Variants in ZNF853 observed in about 807,000 individuals in gnomAD.
ZNF853 encodes the protein zinc finger protein 853.
In ZNF853, 57 loss-of-function variants were observed where a neutral mutation model predicts 94.7. The observed-to-expected ratio is 0.60, with a 90% CI of 0.49 to 0.75. ZNF853 has a LOEUF of 0.75. Among genes scored for constraint, ZNF853 ranks in the 30% least tolerant of loss-of-function variants. The probability of loss-of-function intolerance (pLI) is 0.00; values close to 1 mark genes in which losing one functional copy is unlikely to be tolerated. For synonymous variants in ZNF853, 448 were observed against 406.3 expected, an observed-to-expected ratio of 1.10 and a Z score of -1.23; for missense variants, 785 against 868.9, an observed-to-expected ratio of 0.90 and a Z score of 1.21.
chr7:6,618,445 A>C, intron 2 of ZNF853, among the ~76,000 whole-genome samples: 1 of 152,116 alleles, frequency 6.6e-6, no homozygotes, highest in African/African-American at 2.4e-5. Context: ...ACAATGGCTC[A>C]CACCTGTAAT....
chr7:6,623,922 G>C lies in ZNF853; in HGVS notation c.*951G>C, dbSNP rs1364062320. On this transcript the variant is annotated 3_prime_UTR_variant, in exon 3 of 3. Coordinates refer to ENST00000457543, the MANE Select transcript of ZNF853 (RefSeq NM_017560.3). ...GGGGAGACCAGGGCAGATTTCTCCC[G>C]CACCAGGCTGTGGAGGTTTGGAGGG... The C allele has an allele frequency of 6.6e-6, 1 of 152,388 alleles. No individual in the cohort carries two copies. Among genetic ancestry groups the C allele is most frequent in the African/African-American group, 2.4e-5 (1 of 41,448 alleles). 9.4% of individuals were successfully genotyped at this position (152,388 alleles called of 1,614,324 possible).
intron 2 of ZNF853, among the ~76,000 whole-genome samples, chr7:6,620,576 C>CTTCCTTCCT: frequency 6.6e-6 from 1 of 152,000 alleles, no homozygotes; most frequent in South Asian, 2.1e-4. Context: ...CCTTCCTTCC[C>CTTCCTTCCT]TTCCTTCCCT....
chr7:6,622,152 G>A lies in ZNF853; in HGVS notation c.1161G>A (p.Glu387=). ...TGGAGCAGCAGGAGGTGCAGCTGGA[G>A]CTGACCCCGGTGGAGCTAGGCGCCC... ...QQLEQQEVQL[E]LTPVELGAQQ... The change falls in exon 3 of 3, where the codon GAG becomes GAA. Residue 387 remains glutamate, a synonymous_variant. Coordinates refer to ENST00000457543, the MANE Select transcript of ZNF853 (RefSeq NM_017560.3). 6.5e-7 allele frequency: 1 copy of A among 1,543,360 alleles called. No homozygotes were observed. The highest frequency in any genetic ancestry group is 8.7e-7 in the Non-Finnish European group (1 of 1,146,600).
chr7:6,617,501 C>T, intron 2 of ZNF853, 194 bp downstream of exon 2: 2 of 796,896 alleles, frequency 2.5e-6, no homozygotes, highest in African/African-American at 3.7e-5. Flanking sequence ...TGGTGAGGGG[C>T]TCCCCGCTCC....
intron 1 of ZNF853, among the ~76,000 whole-genome samples, chr7:6,616,677 G>A: frequency 6.6e-6 from 1 of 151,884 alleles, no homozygotes; most frequent in African/African-American, 2.4e-5. Context: ...GGAGGTTGCA[G>A]TGAGTCCAGA....
chr7:6,620,361 C>G, intron 2 of ZNF853, among the ~76,000 whole-genome samples: 1 of 152,234 alleles, frequency 6.6e-6, no homozygotes, highest in South Asian at 2.1e-4. Context: ...ATGGCTTGGC[C>G]GTTGGGACAG....
At position 6,617,129 on chromosome 7, in the gene ZNF853, G is replaced by A; in HGVS notation, c.13-61G>A. ...GTGGAGGGCCTTTGGGGGCCTGTGG[G>A]CACCTGGCGGGGGTCAAAGCACTCC... On this transcript the variant is annotated intron_variant, in intron 1 of 2. Transcript: ENST00000457543. 4 of 1,368,770 alleles carry A rather than the reference G, an allele frequency of 2.9e-6. No individual in the cohort carries two copies. In the South Asian group the frequency reaches 4.0e-5, roughly 14 times the overall value. The allele number at this position is 1,368,770 out of a possible 1,614,324, so 84.8% of individuals were successfully genotyped here. A position where few individuals can be genotyped will look rare whatever the true frequency, so the allele number is the denominator to read the frequency against.
chr7:6,621,846 G>A lies in ZNF853; in HGVS notation c.855G>A (p.Gln285=), dbSNP rs2115288720. 1.9e-6 allele frequency: 3 copies of A among 1,550,994 alleles called. No homozygotes were observed. Among genetic ancestry groups the A allele is most frequent in the Non-Finnish European group, 8.7e-7 (1 of 1,146,834 alleles). Residue 285 remains glutamine (Q), a synonymous_variant, in exon 3 of 3, where the codon CAG becomes CAA. Coordinates refer to ENST00000457543, the MANE Select transcript of ZNF853 (RefSeq NM_017560.3). ...AGCTACTGCTGCAGCAGCAGGAACA[G>A]TTACAGCAGCAGCAGCAACAGCAGC... is the stretch of plus-strand genomic sequence containing the variant. The part of the protein sequence containing the change: ...QQQLLLQQQE[Q]LQQQQQQQLL...
Position 6,622,210 on chromosome 7 carries a change from G to C in ZNF853, c.1219G>C (p.Val407Leu), listed in dbSNP as rs1264101737. Residue 407 changes from valine (V) to leucine (L), a missense_variant, in exon 3 of 3, where the codon GTG becomes CTG. Transcript: ENST00000457543. Reference sequence around the variant, plus strand: ...GGAGGTGCAGCTGGAGCTGACCCCCGTGCAGCCGGAGCTGCAGCTGGAACT... The same window carrying C: ...GGAGGTGCAGCTGGAGCTGACCCCCCTGCAGCCGGAGCTGCAGCTGGAACT... The part of the protein sequence containing the change: ...QQEVQLELTP[V>L]QPELQLELVP... 19 of 1,536,504 alleles carry C rather than the reference G, an allele frequency of 1.2e-5. No individual in the cohort carries two copies. Among genetic ancestry groups the C allele is most frequent in the Non-Finnish European group, 1.6e-5 (18 of 1,145,512 alleles).
Position 6,621,864 on chromosome 7 carries a change from A to G in ZNF853, c.873A>G (p.Gln291=). ...QQQEQLQQQQ[Q]QQLLQQQQEQ... The stretch of plus-strand genomic sequence containing the variant: ...AGGAACAGTTACAGCAGCAGCAGCA[A>G]CAGCAGCTGTTGCAACAGCAGCAGG... Residue 291 remains glutamine (Q), a synonymous_variant, in exon 3 of 3, where the codon CAA becomes CAG. Transcript: ENST00000457543. 1 of 1,550,554 alleles carries G rather than the reference A, an allele frequency of 6.4e-7. No individual in the cohort carries two copies. Among genetic ancestry groups the G allele is most frequent in the South Asian group, 1.2e-5 (1 of 84,006 alleles).
intron 1 of ZNF853, 73 bp downstream of exon 1, chr7:6,616,259 C>G: frequency 6.8e-7 from 1 of 1,471,326 alleles, no homozygotes; most frequent in Non-Finnish European, 9.2e-7. Context: ...CTGGATGGCA[C>G]GAGTCGGCCT....
In ZNF853 at chr7:6,621,752, T is replaced by C; in HGVS notation, c.761T>C (p.Leu254Pro). Residue 254 changes from leucine (L) to proline (P), a missense_variant, in exon 3 of 3, where the codon CTG (leucine) becomes CCG (proline). Leu to Pro is a moderately conservative substitution (Grantham distance 98). Transcript: ENST00000457543. ...LQQQGQLQQQLLQQQQAQLQQ... is the reference protein window; with the variant it reads ...LQQQGQLQQQPLQQQQAQLQQ... ...CAGCAGGGACAGTTACAGCAGCAAC[T>C]GTTGCAGCAGCAGCAGGCACAGTTA... 1 of 1,549,386 alleles carries C rather than the reference T, an allele frequency of 6.5e-7. No homozygotes were observed. Among genetic ancestry groups the C allele is most frequent in the Middle Eastern group, 1.9e-4 (1 of 5,168 alleles).
At position 6,622,851 on chromosome 7, in the gene ZNF853, C is replaced by G; in HGVS notation, c.1860C>G (p.His620Gln). 1 of 1,471,782 alleles carries G rather than the reference C, an allele frequency of 6.8e-7. No homozygotes were observed. Among genetic ancestry groups the G allele is most frequent in the Non-Finnish European group, 9.0e-7 (1 of 1,115,522 alleles). 91.2% of individuals were successfully genotyped at this position (1,471,782 alleles called of 1,614,324 possible). ...TCCGCCGCCACGAGCGCCAGCTGCA[C>G]GGCGCGGGCCGCTCCAGGGGCCTCG... The part of the protein sequence containing the change: ...VQIRRHERQL[H>Q]GAGRSRGLGL... The change falls in exon 3 of 3, where the codon CAC becomes CAG. Residue 620 changes from histidine to glutamine, a missense_variant. His to Gln is a conservative substitution (Grantham distance 24). Coordinates refer to ENST00000457543, the MANE Select transcript of ZNF853 (RefSeq NM_017560.3).
chr7:6,622,856 C>T lies in ZNF853; in HGVS notation c.1865C>T (p.Ala622Val), dbSNP rs747773150. 6.3e-5 allele frequency: 93 copies of T among 1,466,172 alleles called. No individual in the cohort carries two copies. The East Asian group carries it at 1.0e-3, about 16-fold the overall frequency. 90.8% of individuals were successfully genotyped at this position (1,466,172 alleles called of 1,614,324 possible). A position where few individuals can be genotyped will look rare whatever the true frequency, so the allele number is the denominator to read the frequency against. Residue 622 changes from alanine (A) to valine (V), a missense_variant, in exon 3 of 3, where the codon GCG becomes GTG. Ala to Val is a moderately conservative substitution (Grantham distance 64). Transcript: ENST00000457543. ...IRRHERQLHG[A>V]GRSRGLGLLR... The stretch of plus-strand genomic sequence containing the variant: ...CGCCACGAGCGCCAGCTGCACGGCG[C>T]GGGCCGCTCCAGGGGCCTCGGCCTG...
Position 6,623,111 on chromosome 7 carries a change from A to ATCATC in ZNF853, c.*142_*146dup, listed in dbSNP as rs1404982398. The stretch of plus-strand genomic sequence containing the variant: ...AAAGGCTTCCACCATCATCATCATC[A>ATCATC]TCATCTTCCGGATTCCCTGAGAAAA... On this transcript the variant is annotated 3_prime_UTR_variant, in exon 3 of 3. Coordinates refer to ENST00000457543, the MANE Select transcript of ZNF853 (RefSeq NM_017560.3). The ATCATC allele has an allele frequency of 1.5e-6, 1 of 680,746 alleles. No individual in the cohort carries two copies. The highest frequency in any genetic ancestry group is 3.4e-5 in the East Asian group (1 of 29,314). The allele number at this position is 680,746 out of a possible 1,614,324, so 42.2% of individuals were successfully genotyped here.
At chr7:6,617,335 G>A in intron 2 of ZNF853, 28 bp downstream of exon 2, 1 of 1,402,832 alleles carries the variant, frequency 7.1e-7, no homozygotes, top group Non-Finnish European at 9.4e-7. Context: ...TCCCTTGACA[G>A]AGCCTCATGC....
rs1782678098 is a variant in ZNF853 at position 6,623,212 on chromosome 7, C to T, written c.*241C>T. The T allele has an allele frequency of 2.4e-6, 1 of 412,232 alleles. No homozygotes were observed. The highest frequency in any genetic ancestry group is 4.2e-6 in the Non-Finnish European group (1 of 238,650). 25.5% of individuals were successfully genotyped at this position (412,232 alleles called of 1,614,324 possible). Reference sequence around the variant, plus strand: ...AGTGGACCGGGGCTGAAACAGCACACGGGACACGTTTGTCTGCCCTTTGAG... The same window carrying T: ...AGTGGACCGGGGCTGAAACAGCACATGGGACACGTTTGTCTGCCCTTTGAG... On this transcript the variant is annotated 3_prime_UTR_variant, in exon 3 of 3. Transcript: ENST00000457543.
At position 6,621,267 on chromosome 7, in the gene ZNF853, G is replaced by T. The variant is rs902454411; in HGVS notation, c.276G>T (p.Gln92His). 1 of 1,549,994 alleles carries T rather than the reference G, an allele frequency of 6.5e-7. No homozygotes were observed. Among genetic ancestry groups the T allele is most frequent in the African/African-American group, 1.4e-5 (1 of 73,120 alleles). Residue 92 changes from glutamine to histidine, a missense_variant, in exon 3 of 3, where the codon CAG becomes CAT. Coordinates refer to ENST00000457543, the MANE Select transcript of ZNF853 (RefSeq NM_017560.3). ...CGGGACAACGAGAGTTGCAACTGCAGCAGTTAGAACAGCAGCCCGAGCCGC... is the reference window on the plus strand; with the variant it reads ...CGGGACAACGAGAGTTGCAACTGCATCAGTTAGAACAGCAGCCCGAGCCGC... ...TRPGQRELQL[Q>H]QLEQQPEPQQ...
At position 6,616,141 on chromosome 7, in the gene ZNF853, C is replaced by G. The variant is rs1782501025; in HGVS notation, c.-34C>G. On this transcript the variant is annotated 5_prime_UTR_variant, in exon 1 of 3. Coordinates refer to ENST00000457543, the MANE Select transcript of ZNF853 (RefSeq NM_017560.3). ...CACCTCGCAGCCTCTGCTGACCACA[C>G]CTCCCTAGCGCAGAGGCTGCCCGGG... The G allele has an allele frequency of 1.9e-6, 3 of 1,544,806 alleles. No homozygotes were observed. The East Asian group carries it at 7.4e-5, about 38-fold the overall frequency.
Sources: gnomAD v4.1 joint callset for allele counts (sites outside exome capture counted in the v4.1 genomes callset) on GRCh38, gnomAD v4.1.1 for gene constraint, MANE v1.5 for transcripts, NCBI Gene and HGNC (gene_info 2026-07-23, HGNC 2026-07-21) for gene names.